STAT4: variants seen among roughly 807,000 people sequenced by gnomAD.
STAT4 encodes the protein signal transducer and activator of transcription 4.
In STAT4, 42 loss-of-function variants were observed where a neutral mutation model predicts 110.5. The ratio of observed to expected loss-of-function variants is 0.38; its 90% CI spans 0.30 to 0.49. The LOEUF (loss-of-function observed/expected upper bound fraction) is 0.49. Ranked by LOEUF, STAT4 falls within the 20% of genes least tolerant of loss-of-function variation. STAT4 has a pLI of 0.95. For synonymous variants in STAT4, 284 were observed against 302.2 expected, an observed-to-expected ratio of 0.94 and a Z score of 0.63; for missense variants, 632 against 887.9, an observed-to-expected ratio of 0.71 and a Z score of 3.66.
intron 3 of STAT4, among the ~76,000 whole-genome samples, chr2:191,106,374 A>T (rs867775105): frequency 3.9e-5 from 6 of 151,964 alleles, no homozygotes; most frequent in Non-Finnish European, 2.9e-5. Flanking sequence ...AAAAAAAAAA[A>T]TTAGGCTGGG....
intron 3 of STAT4, among the ~76,000 whole-genome samples, chr2:191,130,558 C>T (rs1699008925): frequency 6.6e-6 from 1 of 151,606 alleles, no homozygotes. Flanking sequence ...TATTTGTTAT[C>T]CTCTGTTACT....
At position 191,066,293 on chromosome 2, in the gene STAT4, G is replaced by T. The variant is rs1192819471; in HGVS notation, c.630+137C>A. ...GAAGCATGGCAAACAGCGTGGGACT[G>T]TTCCTAGAAACCTTGCCGTTTCTTC... is the stretch of plus-strand genomic sequence containing the variant. On this transcript the variant is annotated intron_variant, in intron 7 of 23. Transcript: ENST00000392320. The surrounding 1 kb of genome is among the most constrained non-coding windows in gnomAD (Gnocchi z 4.3). The T allele has an allele frequency of 1.3e-6, 1 of 745,572 alleles. No individual in the cohort carries two copies. The highest frequency in any genetic ancestry group is 2.2e-6 in the Non-Finnish European group (1 of 448,616). The allele number at this position is 745,572 out of a possible 1,614,324, so 46.2% of individuals were successfully genotyped here.
In STAT4 at chr2:191,099,626, G is replaced by A. The variant is rs886900672; in HGVS notation, c.274-23301C>T. Among the ~76,000 whole-genome samples the A allele has an allele frequency of 2.6e-5, 4 of 151,974 alleles. No individual in the cohort carries two copies. Among genetic ancestry groups the A allele is most frequent in the African/African-American group, 9.7e-5 (4 of 41,372 alleles). On this transcript the variant is annotated intron_variant, in intron 3 of 23. Transcript: ENST00000392320. This position sits in a 1 kb window ranked among gnomAD's most constrained non-coding sequence, Gnocchi z 4.1. ...ACAAAATTTCATAAACAACACACAT[G>A]TACACATTATATTTTTAAAAATATC...
chr2:191,033,704 G>A lies in STAT4; in HGVS notation c.1716-78C>T. 2 of 1,553,056 alleles carry A rather than the reference G, an allele frequency of 1.3e-6. No individual in the cohort carries two copies. The highest frequency in any genetic ancestry group is 1.7e-6 in the Non-Finnish European group (2 of 1,150,740). Reference sequence around the variant, plus strand: ...TTGCATTTACAAAGACCTACAGTTTGTTTTGAGTGTAATCAAAAGTCATTC... The same window carrying A: ...TTGCATTTACAAAGACCTACAGTTTATTTTGAGTGTAATCAAAAGTCATTC... On this transcript the variant is annotated intron_variant, in intron 19 of 23. Transcript: ENST00000392320. This position sits in a 1 kb window ranked among gnomAD's most constrained non-coding sequence, Gnocchi z 6.9.
In STAT4 at chr2:191,041,088, A is replaced by G. The variant is rs1696185292; in HGVS notation, c.1312T>C (p.Tyr438His). The G allele has an allele frequency of 6.7e-7, 1 of 1,495,206 alleles. No individual in the cohort carries two copies. The highest frequency in any genetic ancestry group is 1.4e-5 in the African/African-American group (1 of 70,454). The allele number at this position is 1,495,206 out of a possible 1,614,324, so 92.6% of individuals were successfully genotyped here. ...ACCTCCAAATCTATGGTCAGGCCAT[A>G]GAGGCAGATCTGTGTTTCAAACGTT... is the stretch of plus-strand genomic sequence containing the variant. ...SITFETQICL[Y>H]GLTIDLETSS... Residue 438 changes from tyrosine to histidine, a missense_variant, in exon 15 of 24, where the codon TAT becomes CAT. Transcript: ENST00000392320.
rs1372999787 is a variant in STAT4 at position 191,058,496 on chromosome 2, G to A, written c.1094+214C>T. Among the ~76,000 whole-genome samples the A allele has an allele frequency of 6.6e-6, 1 of 152,048 alleles. No individual in the cohort carries two copies. Among genetic ancestry groups the A allele is most frequent in the Non-Finnish European group, 1.5e-5 (1 of 68,012 alleles). ...ACTTTAAAGGATAGTATATAAAATTGATTTCAAGTTTTTATAGTAAAATTT... is the reference window on the plus strand; with the variant it reads ...ACTTTAAAGGATAGTATATAAAATTAATTTCAAGTTTTTATAGTAAAATTT... On this transcript the variant is annotated intron_variant, in intron 11 of 23. Transcript: ENST00000392320. This position sits in a 1 kb window ranked among gnomAD's most constrained non-coding sequence, Gnocchi z 4.3.
At chr2:191,076,013 CT>C (rs986676366) in intron 4 of STAT4, 84 of 490,302 alleles carry the variant, frequency 1.7e-4, no homozygotes, top group African/African-American at 1.5e-3. Context: ...CCATAGCCAA[CT>C]AATTTTTAAT....
chr2:191,055,484 G>C (rs372831736), intron 13 of STAT4, among the ~76,000 whole-genome samples: 19 of 150,828 alleles, frequency 1.3e-4, no homozygotes, highest in African/African-American at 4.2e-4. Context: ...CTCCCAAAGT[G>C]CTGGGATTAC....
upstream of STAT4, chr2:191,151,269 G>A: frequency 2.0e-6 from 2 of 985,634 alleles, no homozygotes; most frequent in African/African-American, 3.5e-5. This position sits in a 1 kb window ranked among gnomAD's most constrained non-coding sequence, Gnocchi z 4.7. Context: ...AAGGGGAGGG[G>A]CGGGGCATAC....
intron 3 of STAT4, among the ~76,000 whole-genome samples, chr2:191,081,848 C>A (rs950446233): frequency 6.6e-6 from 1 of 152,128 alleles, no homozygotes; most frequent in East Asian, 1.9e-4. Context: ...GATTTTAAGT[C>A]TTGCCAAGGA....
Position 191,039,098 on chromosome 2 carries a change from C to A in STAT4, c.1434+101G>T. 1 of 1,026,714 alleles carries A rather than the reference C, an allele frequency of 9.7e-7. No homozygotes were observed. Among genetic ancestry groups the A allele is most frequent in the Non-Finnish European group, 1.5e-6 (1 of 653,518 alleles). The allele number at this position is 1,026,714 out of a possible 1,614,324, so 63.6% of individuals were successfully genotyped here. A position where few individuals can be genotyped will look rare whatever the true frequency, so the allele number is the denominator to read the frequency against. On this transcript the variant is annotated intron_variant, in intron 16 of 23. Coordinates refer to ENST00000392320, the MANE Select transcript of STAT4 (RefSeq NM_003151.4). The surrounding 1 kb of genome is among the most constrained non-coding windows in gnomAD (Gnocchi z 4.7). ...TACTACAAATAAAGCAACTCTCACC[C>A]CACACCCCACTGGCACACACATGTT...
In STAT4 at chr2:191,062,979, T is replaced by A. The variant is rs1696891498; in HGVS notation, c.783-59A>T. ...TTTCCACTTAATAATAAAAAAGCATTGTAACAATGGGTCATAGTTAATAAA... is the reference window on the plus strand; with the variant it reads ...TTTCCACTTAATAATAAAAAAGCATAGTAACAATGGGTCATAGTTAATAAA... On this transcript the variant is annotated intron_variant, in intron 8 of 23. Coordinates refer to ENST00000392320, the MANE Select transcript of STAT4 (RefSeq NM_003151.4). This position sits in a 1 kb window ranked among gnomAD's most constrained non-coding sequence, Gnocchi z 4.9. 1 of 1,464,878 alleles carries A rather than the reference T, an allele frequency of 6.8e-7. No individual in the cohort carries two copies. Among genetic ancestry groups the A allele is most frequent in the Non-Finnish European group, 9.3e-7 (1 of 1,071,640 alleles). The allele number at this position is 1,464,878 out of a possible 1,614,324, so 90.7% of individuals were successfully genotyped here.
intron 3 of STAT4, among the ~76,000 whole-genome samples, chr2:191,122,531 C>T (rs181069028): frequency 6.6e-6 from 1 of 152,158 alleles, no homozygotes; most frequent in Admixed American, 6.5e-5. Context: ...AGTGCTTATG[C>T]CTACTACTAA....
rs868421245 is a variant in STAT4, at chr2:191,146,755, T to C, written c.131A>G (p.Glu44Gly). Residue 44 changes from glutamate (E) to glycine (G), a missense_variant and splice_region_variant, in exon 3 of 24, where the codon GAG becomes GGG. By Grantham distance (98) the Glu-to-Gly change is moderately conservative (BLOSUM62 -2). This residue lies in a region of STAT4 where 488 missense variants were observed against 632.8 expected (regional missense o/e 0.77). Coordinates refer to ENST00000392320, the MANE Select transcript of STAT4 (RefSeq NM_003151.4). This position sits in a 1 kb window ranked among gnomAD's most constrained non-coding sequence, Gnocchi z 4.5. ...CATGGTTTCATTGTTAGAAGCTGCC[T>C]CCCTAAAAAAAAAAAGGATTATTAC... Reference protein sequence around the residue: ...LAQWIENQDWEAASNNETMAT... With the variant: ...LAQWIENQDWGAASNNETMAT... 1 of 1,529,648 alleles carries C rather than the reference T, an allele frequency of 6.5e-7. No individual in the cohort carries two copies. 94.8% of individuals were successfully genotyped at this position (1,529,648 alleles called of 1,614,324 possible).
rs1217467447 is a variant in STAT4 at position 191,110,088 on chromosome 2, T to C, written c.274-33763A>G. Among the ~76,000 whole-genome samples, 2 of 152,154 alleles carry C rather than the reference T, an allele frequency of 1.3e-5. No homozygotes were observed. The highest frequency in any genetic ancestry group is 2.9e-5 in the Non-Finnish European group (2 of 68,032). ...AACCACTGCACCTTCCACAGGGCCCTGCATCAGATGCTGGCCGCACAGCAG... is the reference window on the plus strand; with the variant it reads ...AACCACTGCACCTTCCACAGGGCCCCGCATCAGATGCTGGCCGCACAGCAG... On this transcript the variant is annotated intron_variant, in intron 3 of 23. Transcript: ENST00000392320. The surrounding 1 kb of genome is among the most constrained non-coding windows in gnomAD (Gnocchi z 4.5).
At chr2:191,034,430 A>G (rs1574693867) in intron 18 of STAT4, 118 bp downstream of exon 18, 2 of 857,502 alleles carry the variant, frequency 2.3e-6, no homozygotes, top group Non-Finnish European at 3.7e-6. Flanking sequence ...CTCAAAAAAA[A>G]AAAAAAAAGA....
chr2:191,137,989 A>G (rs1236502458), intron 3 of STAT4, among the ~76,000 whole-genome samples: 1 of 152,230 alleles, frequency 6.6e-6, no homozygotes. Flanking sequence ...ACAGAAAACA[A>G]AAACAAAAAT....
chr2:191,050,297 G>A lies in STAT4; in HGVS notation c.1251+4193C>T, dbSNP rs1447549002. Among the ~76,000 whole-genome samples, 1 of 152,162 alleles carries A rather than the reference G, an allele frequency of 6.6e-6. No individual in the cohort carries two copies. Among genetic ancestry groups the A allele is most frequent in the Admixed American group, 6.5e-5 (1 of 15,278 alleles). ...CTTCCTGGGAATGTTTATTTTACAG[G>A]AACAGATTGATGGCCTCAAAGTCTG... On this transcript the variant is annotated intron_variant, in intron 14 of 23. Coordinates refer to ENST00000392320, the MANE Select transcript of STAT4 (RefSeq NM_003151.4). The surrounding 1 kb of genome is among the most constrained non-coding windows in gnomAD (Gnocchi z 4.3).
intron 3 of STAT4, among the ~76,000 whole-genome samples, chr2:191,134,361 C>G (rs184329240): frequency 3.9e-5 from 6 of 152,148 alleles, no homozygotes; most frequent in Non-Finnish European, 5.9e-5. Flanking sequence ...CCAGCACTTA[C>G]GAAAGCCACC....
Sources: allele counts gnomAD v4.1 joint callset (sites outside exome capture counted in the v4.1 genomes callset), GRCh38; gene constraint gnomAD v4.1.1; regional missense constraint gnomAD v4.1.1; non-coding constraint Gnocchi (gnomAD v3.1); transcripts MANE v1.5; gene names NCBI Gene and HGNC (gene_info 2026-07-23, HGNC 2026-07-21).